QTMAN: variants seen among roughly 807,000 people sequenced by gnomAD.
The protein encoded by QTMAN is queuosine-tRNA mannosyltransferase.
chr2:144,294,035 C>T, the QTMAN span, among the ~76,000 whole-genome samples: 1 of 152,158 alleles, frequency 6.6e-6, no homozygotes, highest in Non-Finnish European at 1.5e-5. Flanking sequence ...TTTGGCTTAC[C>T]TTGCTTACTT....
At chr2:144,159,007 G>A in the QTMAN span, among the ~76,000 whole-genome samples, 1 of 151,908 alleles carries the variant, frequency 6.6e-6, no homozygotes, top group Non-Finnish European at 1.5e-5. Flanking sequence ...AGAGTGAATG[G>A]CTGACAACAT....
At chr2:144,276,157 G>A in the QTMAN span, among the ~76,000 whole-genome samples, 2 of 151,964 alleles carry the variant, frequency 1.3e-5, no homozygotes, top group Non-Finnish European at 2.9e-5. Context: ...AAAGAAAGGT[G>A]TCTACTCAAG....
chr2:143,989,037 A>G, the QTMAN span, among the ~76,000 whole-genome samples: 1 of 152,118 alleles, frequency 6.6e-6, no homozygotes, highest in Non-Finnish European at 1.5e-5. Context: ...AATTTAACTT[A>G]AGACATTCCT....
At chr2:143,989,001 G>A in the QTMAN span, among the ~76,000 whole-genome samples, 4 of 152,112 alleles carry the variant, frequency 2.6e-5, no homozygotes, top group African/African-American at 9.7e-5. Flanking sequence ...ATATCTTAGG[G>A]AATGAGTGTG....
chr2:144,208,807 A>G, the QTMAN span: 1 of 1,500,158 alleles, frequency 6.7e-7, no homozygotes, highest in East Asian at 2.4e-5. Context: ...TTCAGATCCT[A>G]AATAACAACC....
chr2:144,248,891 T>C, the QTMAN span, among the ~76,000 whole-genome samples: 5 of 152,198 alleles, frequency 3.3e-5, no homozygotes, highest in South Asian at 1.0e-3. Flanking sequence ...CTGAAACATT[T>C]TGTCCTTTGT....
chr2:144,027,406 G>A, the QTMAN span, among the ~76,000 whole-genome samples: 1 of 152,040 alleles, frequency 6.6e-6, no homozygotes, highest in African/African-American at 2.4e-5. Flanking sequence ...CATTCATTCT[G>A]GGCACAATTT....
the QTMAN span, among the ~76,000 whole-genome samples, chr2:144,074,530 C>T: frequency 6.6e-6 from 1 of 152,186 alleles, no homozygotes; most frequent in African/African-American, 2.4e-5. Flanking sequence ...TTTTGGACTT[C>T]ATATATTTTC....
At chr2:143,968,210 G>GA in the QTMAN span, among the ~76,000 whole-genome samples, 1 of 152,148 alleles carries the variant, frequency 6.6e-6, no homozygotes, top group Non-Finnish European at 1.5e-5. Context: ...GGCTGAGGCA[G>GA]AAAAAAATCT....
the QTMAN span, among the ~76,000 whole-genome samples, chr2:144,254,752 G>A: frequency 2.6e-5 from 4 of 152,196 alleles, no homozygotes; most frequent in Non-Finnish European, 4.4e-5. Flanking sequence ...GGAAGCAGTC[G>A]GGAGGGAAGC....
the QTMAN span, among the ~76,000 whole-genome samples, chr2:144,244,769 C>A: frequency 3.3e-5 from 5 of 152,008 alleles, no homozygotes; most frequent in African/African-American, 1.2e-4. Flanking sequence ...AAAAAAAAAT[C>A]TGAGAAATTA....
At chr2:144,024,329 A>T in the QTMAN span, among the ~76,000 whole-genome samples, 1 of 152,244 alleles carries the variant, frequency 6.6e-6, no homozygotes, top group Non-Finnish European at 1.5e-5. Context: ...GGCCCACAGT[A>T]CATGCTCGCT....
At chr2:144,160,608 G>A in the QTMAN span, among the ~76,000 whole-genome samples, 4 of 152,080 alleles carry the variant, frequency 2.6e-5, no homozygotes, top group South Asian at 2.1e-4. Context: ...CAGAACCAGA[G>A]GGAAAACTTA....
the QTMAN span, among the ~76,000 whole-genome samples, chr2:144,268,743 T>C: frequency 6.6e-6 from 1 of 152,204 alleles, no homozygotes; most frequent in Non-Finnish European, 1.5e-5. Flanking sequence ...TTAAATAACA[T>C]TGCTATGTTA....
At chr2:144,199,413 C>T in the QTMAN span, among the ~76,000 whole-genome samples, 1 of 152,104 alleles carries the variant, frequency 6.6e-6, no homozygotes, top group Admixed American at 6.6e-5. Context: ...GTGAGTTCTA[C>T]AGTAATATCA....
At chr2:143,966,551 A>C in the QTMAN span, among the ~76,000 whole-genome samples, 2 of 152,008 alleles carry the variant, frequency 1.3e-5, no homozygotes, top group Admixed American at 6.6e-5. Context: ...AGGAAAACGG[A>C]CTCCCAGGTT....
chr2:144,010,893 T>A, the QTMAN span, among the ~76,000 whole-genome samples: 1 of 152,082 alleles, frequency 6.6e-6, no homozygotes, highest in African/African-American at 2.4e-5. Context: ...TGGGAAAATT[T>A]AAGCTGAATT....
the QTMAN span, among the ~76,000 whole-genome samples, chr2:144,281,395 CAAAAAA>C: frequency 0.016 from 993 of 60,634 alleles, 4 homozygotes; most frequent in South Asian, 0.033. Flanking sequence ...ATTGTTATAG[CAAAAAA>C]AAAAAAAAAA....
the QTMAN span, chr2:144,177,194 T>A: frequency 5.7e-6 from 4 of 701,290 alleles, no homozygotes; most frequent in Non-Finnish European, 1.0e-5. Flanking sequence ...ATCCAAACCA[T>A]ATCCAGACAT....
Sources: gnomAD v4.1 joint callset for allele counts (sites outside exome capture counted in the v4.1 genomes callset) on GRCh38, gnomAD v4.1.1 for gene constraint, MANE v1.5 for transcripts, NCBI Gene and HGNC (gene_info 2026-07-23, HGNC 2026-07-21) for gene names.